The following CD300A variants were observed in gnomAD, a reference collection of about 807,000 sequenced individuals.
CD300A encodes the protein CMRF35-like molecule 8.
A neutral mutation model predicts 33.6 loss-of-function variants in CD300A; 22 were observed. The observed-to-expected ratio is 0.66, with a 90% CI of 0.47 to 0.94. The LOEUF is 0.94. Ranked by LOEUF, CD300A falls within the 40% of genes least tolerant of loss-of-function variation. The pLI, the probability that CD300A is intolerant of heterozygous loss-of-function variation, is 0.00. For synonymous variants in CD300A, 136 were observed against 148.1 expected, an observed-to-expected ratio of 0.92 and a Z score of 0.59; for missense variants, 326 against 360.5, an observed-to-expected ratio of 0.90 and a Z score of 0.77.
chr17:74,481,298 A>C lies in CD300A; in HGVS notation c.638A>C (p.His213Pro), dbSNP rs762119068. 3.1e-6 allele frequency: 5 copies of C among 1,613,952 alleles called. No individual in the cohort carries two copies. The highest frequency in any genetic ancestry group is 4.2e-6 in the Non-Finnish European group (5 of 1,179,964). ...MFQKWIKAGD[H>P]SELSQNPKQA... ...CTCCTCTTGTCTCTAGCTGGTGACC[A>C]TTCAGAGCTGTCCCAGAACCCCAAG... Residue 213 changes from histidine to proline, a missense_variant, in exon 5 of 7, where the codon CAT becomes CCT. His to Pro is a moderately conservative substitution (Grantham distance 77, BLOSUM62 -2). Transcript: ENST00000360141.
chr17:74,478,493 G>A (rs947010504), intron 4 of CD300A, among the ~76,000 whole-genome samples: 6 of 152,246 alleles, frequency 3.9e-5, no homozygotes, highest in Non-Finnish European at 7.3e-5. Context: ...TTGGCACTCA[G>A]TAAGTAGATG....
intron 1 of CD300A, among the ~76,000 whole-genome samples, chr17:74,467,545 G>GTCACCTGC (rs1008691070): frequency 6.6e-6 from 1 of 152,200 alleles, no homozygotes; most frequent in African/African-American, 2.4e-5. Context: ...CTCCCGCAGA[G>GTCACCTGC]TCACCTGCTG....
chr17:74,483,370 T>TG (rs1014418584), intron 6 of CD300A, among the ~76,000 whole-genome samples: 6 of 151,430 alleles, frequency 4.0e-5, no homozygotes, highest in Middle Eastern at 3.4e-3. Flanking sequence ...TTTTCTTTTT[T>TG]TTTTTTGAGA....
intron 1 of CD300A, among the ~76,000 whole-genome samples, chr17:74,468,699 AG>A (rs1905892663): frequency 6.6e-6 from 1 of 151,570 alleles, no homozygotes. Context: ...TCTATCACCC[AG>A]GGCTGGAGTG....
chr17:74,482,273 G>A (rs1424397343), intron 6 of CD300A, among the ~76,000 whole-genome samples: 1 of 151,928 alleles, frequency 6.6e-6, no homozygotes, highest in Non-Finnish European at 1.5e-5. Flanking sequence ...TCCCTGGGTC[G>A]TGACCCACCT....
At chr17:74,466,931 G>T in intron 1 of CD300A, 188 bp downstream of exon 1, 6 of 1,448,486 alleles carry the variant, frequency 4.1e-6, no homozygotes, top group Non-Finnish European at 5.4e-6. Flanking sequence ...GAAGGAGCCA[G>T]GGCCTCTCCC....
intron 1 of CD300A, among the ~76,000 whole-genome samples, chr17:74,472,784 A>G (rs4552055): frequency 6.6e-6 from 1 of 151,848 alleles, no homozygotes; most frequent in Non-Finnish European, 1.5e-5. Context: ...TAATTTTTGT[A>G]TTTTTAGTAG....
Position 74,481,619 on chromosome 17 carries a change from G to T in CD300A, c.667-107G>T, listed in dbSNP as rs1598109129. ...GGTGGAGGCAGGAAGGGGAAGGTGG[G>T]GGCTGAGGTGCTCAGAGCATAGAGG... On this transcript the variant is annotated intron_variant, in intron 5 of 6. Transcript: ENST00000360141. 2.4e-5 allele frequency: 19 copies of T among 799,224 alleles called. No individual in the cohort carries two copies. The East Asian group carries it at 4.5e-4, about 19-fold the overall frequency. 49.5% of individuals were successfully genotyped at this position (799,224 alleles called of 1,614,324 possible).
At chr17:74,481,571 C>A in intron 5 of CD300A, 155 bp from the exon 6 acceptor site, 2 of 667,800 alleles carry the variant, frequency 3.0e-6, no homozygotes, top group South Asian at 1.8e-5. Flanking sequence ...ACCTGGGGAA[C>A]ATTAAACTAC....
At chr17:74,482,772 A>G (rs573175528) in intron 6 of CD300A, among the ~76,000 whole-genome samples, 4 of 146,814 alleles carry the variant, frequency 2.7e-5, no homozygotes, top group African/African-American at 1.1e-4. Flanking sequence ...ATGCAGTGGC[A>G]CAGTCTTGGC....
chr17:74,477,342 C>G (rs768867642), intron 3 of CD300A, 94 bp from the exon 4 acceptor site: 3 of 803,276 alleles, frequency 3.7e-6, no homozygotes, highest in Non-Finnish European at 5.8e-6. Flanking sequence ...AGAGCCAGAT[C>G]CTGTCTCAAA....
intron 1 of CD300A, among the ~76,000 whole-genome samples, chr17:74,471,333 C>T (rs1053618472): frequency 5.9e-5 from 9 of 152,150 alleles, no homozygotes; most frequent in Non-Finnish European, 1.3e-4. Flanking sequence ...CTTATTTAGT[C>T]AGCCCAGAGG....
chr17:74,480,036 C>T lies in CD300A; in HGVS notation c.629-1253C>T, dbSNP rs59761139. Among the ~76,000 whole-genome samples, 204 of 152,234 alleles carry T rather than the reference C, an allele frequency of 1.3e-3. No homozygotes were observed. The highest frequency in any genetic ancestry group is 4.4e-3 in the African/African-American group (184 of 41,512). The stretch of plus-strand genomic sequence containing the variant: ...TCTCACTACCACCCTCCTTCCCGGG[C>T]GTTGAACTCCTGTCTCTTCCCCACC... On this transcript the variant is annotated intron_variant, in intron 4 of 6. Coordinates refer to ENST00000360141, the MANE Select transcript of CD300A (RefSeq NM_007261.4). The surrounding 1 kb of genome is among the most constrained non-coding windows in gnomAD (Gnocchi z 4.2).
intron 3 of CD300A, among the ~76,000 whole-genome samples, chr17:74,476,257 C>T (rs1285011199): frequency 1.3e-5 from 2 of 152,184 alleles, no homozygotes; most frequent in African/African-American, 4.8e-5. Context: ...AGGTGTGATT[C>T]ATGAACAACA....
chr17:74,469,887 A>G (rs2144503372), intron 1 of CD300A: 1 of 824,542 alleles, frequency 1.2e-6, no homozygotes, highest in Middle Eastern at 6.3e-4. Context: ...TTATTAATGT[A>G]TATACTAACT....
intron 1 of CD300A, among the ~76,000 whole-genome samples, chr17:74,470,562 G>T (rs1178955446): frequency 6.6e-6 from 1 of 152,112 alleles, no homozygotes; most frequent in African/African-American, 2.4e-5. Context: ...GAAAGATGAC[G>T]ATTCGCAGCC....
intron 4 of CD300A, among the ~76,000 whole-genome samples, chr17:74,479,053 A>G (rs188531979): frequency 1.7e-3 from 261 of 152,158 alleles, no homozygotes; most frequent in African/African-American, 5.9e-3. Context: ...TCCCCCCTTG[A>G]AAAGGATGTA....
chr17:74,474,246 A>G (rs1301275180), intron 2 of CD300A, among the ~76,000 whole-genome samples: 2 of 152,120 alleles, frequency 1.3e-5, no homozygotes, highest in African/African-American at 4.8e-5. Flanking sequence ...ATGACAGGTC[A>G]GATTTGCAGT....
At chr17:74,479,073 T>C (rs1906666027) in intron 4 of CD300A, among the ~76,000 whole-genome samples, 1 of 152,060 alleles carries the variant, frequency 6.6e-6, no homozygotes, top group Non-Finnish European at 1.5e-5. Flanking sequence ...ATGTGATTAT[T>C]GTAGGAAGTT....
Sources: gnomAD v4.1 joint callset for allele counts (sites outside exome capture counted in the v4.1 genomes callset) on GRCh38, gnomAD v4.1.1 for gene constraint, Gnocchi (gnomAD v3.1) non-coding constraint, MANE v1.5 for transcripts, NCBI Gene and HGNC (gene_info 2026-07-23, HGNC 2026-07-21) for gene names.